RANBP2: variants seen among roughly 807,000 people sequenced by gnomAD.
RANBP2 encodes the protein RAN binding protein 2.
A neutral mutation model predicts 303.6 loss-of-function variants in RANBP2; 57 were observed. The ratio of observed to expected loss-of-function variants is 0.19; its 90% CI spans 0.15 to 0.23. The LOEUF (loss-of-function observed/expected upper bound fraction) is 0.23, where lower values mean the gene tolerates loss of function less well. Ranked by LOEUF, RANBP2 falls within the 10% of genes least tolerant of loss-of-function variation. The pLI is 1.00. For synonymous variants in RANBP2, 1,167 were observed against 1,301.5 expected, an observed-to-expected ratio of 0.90 and a Z score of 2.23; for missense variants, 3,138 against 3,780.8, an observed-to-expected ratio of 0.83 and a Z score of 4.46.
the RANBP2 span, among the ~76,000 whole-genome samples, chr2:109,590,922 T>C: frequency 6.6e-6 from 1 of 152,120 alleles, no homozygotes. Flanking sequence ...AGCCTCCAGA[T>C]AAGAACCCAG....
chr2:109,583,551 T>C, the RANBP2 span, among the ~76,000 whole-genome samples: 529 of 152,310 alleles, frequency 3.5e-3, 3 homozygotes, highest in South Asian at 0.01. Context: ...GAATGTAAAT[T>C]AATGCAGCCA....
chr2:109,044,271 A>G, the RANBP2 span, among the ~76,000 whole-genome samples: 5 of 152,152 alleles, frequency 3.3e-5, no homozygotes, highest in Non-Finnish European at 5.9e-5. Flanking sequence ...CTGTAATCCC[A>G]GCACTTTGGG....
chr2:109,690,255 A>G, the RANBP2 span, among the ~76,000 whole-genome samples: 2 of 152,214 alleles, frequency 1.3e-5, no homozygotes, highest in African/African-American at 2.4e-5. Context: ...ATCAATTAAC[A>G]TATGTAAGAT....
chr2:109,159,565 CTGT>C, the RANBP2 span, among the ~76,000 whole-genome samples: 1 of 152,204 alleles, frequency 6.6e-6, no homozygotes, highest in Non-Finnish European at 1.5e-5. Flanking sequence ...AGAAATCTGG[CTGT>C]TATTTATGAC....
chr2:108,726,312 T>C (rs949117086), intron 1 of RANBP2, among the ~76,000 whole-genome samples: 1 of 152,194 alleles, frequency 6.6e-6, no homozygotes, highest in Non-Finnish European at 1.5e-5. Context: ...ATTGCAGTGC[T>C]TGTGTTCAAG....
chr2:108,888,804 G>A, the RANBP2 span, among the ~76,000 whole-genome samples: 3 of 151,572 alleles, frequency 2.0e-5, no homozygotes, highest in South Asian at 4.1e-4. Context: ...ACTTTATTTA[G>A]TCCTGCTCTG....
the RANBP2 span, among the ~76,000 whole-genome samples, chr2:109,766,462 T>C: frequency 2.0e-5 from 3 of 149,970 alleles, no homozygotes; most frequent in African/African-American, 4.9e-5. Flanking sequence ...ACCCAGGGAG[T>C]GTGCACCTTA....
chr2:108,767,970 A>G lies in RANBP2; in HGVS notation c.7431A>G (p.Arg2477=). The stretch of plus-strand genomic sequence containing the variant: ...TAGCTGTATTAGAAGAAACCACAAG[A>G]GAGAGGACAGATGTTATTCAGGGTG... ...IAVAVLEETT[R]ERTDVIQGDD... Residue 2477 remains arginine, a synonymous_variant, in exon 20 of 29, where the codon AGA becomes AGG. Transcript: ENST00000283195. 6.2e-7 allele frequency: 1 copy of G among 1,611,974 alleles called. No homozygotes were observed. The highest frequency in any genetic ancestry group is 2.2e-5 in the East Asian group (1 of 44,876).
chr2:109,324,349 C>T, the RANBP2 span, among the ~76,000 whole-genome samples: 1 of 152,106 alleles, frequency 6.6e-6, no homozygotes, highest in Non-Finnish European at 1.5e-5. Flanking sequence ...CTCTCTTTAA[C>T]CTTCTGAGGG....
the RANBP2 span, among the ~76,000 whole-genome samples, chr2:108,999,018 T>C: frequency 6.6e-6 from 1 of 152,336 alleles, no homozygotes; most frequent in African/African-American, 2.4e-5. Flanking sequence ...TTTTCCAAGA[T>C]GTGATTTTGC....
the RANBP2 span, among the ~76,000 whole-genome samples, chr2:108,907,094 C>T: frequency 6.6e-6 from 1 of 152,240 alleles, no homozygotes; most frequent in Non-Finnish European, 1.5e-5. Flanking sequence ...CTCACCCCTG[C>T]CCTGCTCCTG....
At chr2:109,240,655 T>C in the RANBP2 span, among the ~76,000 whole-genome samples, 1 of 152,132 alleles carries the variant, frequency 6.6e-6, no homozygotes, top group African/African-American at 2.4e-5. Flanking sequence ...ACTGACGGAT[T>C]ATTTCACACG....
the RANBP2 span, among the ~76,000 whole-genome samples, chr2:109,661,208 G>A: frequency 1.3e-5 from 2 of 151,498 alleles, no homozygotes; most frequent in Non-Finnish European, 1.5e-5. Context: ...GCAGACTAAC[G>A]GAAGGTGAAG....
chr2:109,484,794 G>A, the RANBP2 span, among the ~76,000 whole-genome samples: 731 of 152,200 alleles, frequency 4.8e-3, 4 homozygotes, highest in Non-Finnish European at 8.2e-3. Context: ...ATCAACAGTC[G>A]AGGCCCTGTT....
chr2:108,817,838 T>TTAAGTTTG, the RANBP2 span, among the ~76,000 whole-genome samples: 1 of 152,210 alleles, frequency 6.6e-6, no homozygotes, highest in Admixed American at 6.5e-5. Flanking sequence ...TGTTTAAATG[T>TTAAGTTTG]TAAGTTTGTG....
the RANBP2 span, among the ~76,000 whole-genome samples, chr2:109,499,050 T>G: frequency 3.0e-3 from 462 of 152,256 alleles, 2 homozygotes; most frequent in African/African-American, 0.011. Context: ...GCTGGAGCCC[T>G]CTGAGCCTTT....
At chr2:109,059,340 C>A in the RANBP2 span, among the ~76,000 whole-genome samples, 2 of 152,086 alleles carry the variant, frequency 1.3e-5, no homozygotes, top group African/African-American at 4.8e-5. Flanking sequence ...CTTTGGGAGG[C>A]CAAAGTGGGC....
At chr2:109,676,221 C>T in the RANBP2 span, among the ~76,000 whole-genome samples, 2 of 152,210 alleles carry the variant, frequency 1.3e-5, no homozygotes, top group Admixed American at 6.5e-5. Flanking sequence ...CTGACTACCA[C>T]GTCCACACCC....
At chr2:109,462,631 T>TC in the RANBP2 span, among the ~76,000 whole-genome samples, 3 of 152,198 alleles carry the variant, frequency 2.0e-5, no homozygotes, top group Non-Finnish European at 4.4e-5. Context: ...TTTTCTGAAA[T>TC]AGAGGCAGGT....
Sources: gnomAD v4.1 joint callset for allele counts (sites outside exome capture counted in the v4.1 genomes callset) on GRCh38, gnomAD v4.1.1 for gene constraint, MANE v1.5 for transcripts, NCBI Gene and HGNC (gene_info 2026-07-23, HGNC 2026-07-21) for gene names.